Variants in TMPRSS7 observed in about 807,000 individuals in gnomAD.
TMPRSS7 encodes the protein transmembrane serine protease 7, also known as transmembrane protease serine 7.
Under a neutral mutation model 95.6 loss-of-function variants are expected in TMPRSS7, and 81 were observed. That is an observed-to-expected ratio of 0.85 (90% CI 0.71 to 1.02). The LOEUF (loss-of-function observed/expected upper bound fraction) is 1.02, where lower values mean the gene tolerates loss of function less well. Among genes scored for constraint, TMPRSS7 ranks in the 50% least tolerant of loss-of-function variants. The probability of loss-of-function intolerance (pLI) is 0.00; values close to 1 mark genes in which losing one functional copy is unlikely to be tolerated. For synonymous variants in TMPRSS7, 364 were observed against 337.8 expected (o/e 1.08, Z -0.85); for missense variants, 945 against 955.2 (o/e 0.99, Z 0.14).
exon 10 of TMPRSS7, chr3:112,057,045 C>T (rs1209282736): frequency 6.2e-7 from 1 of 1,610,448 alleles, no homozygotes; most frequent in Admixed American, 1.7e-5. Flanking sequence ...CAACTCTTGG[C>T]ATAGCACTGA....
At chr3:112,048,655 G>A (rs2073309660) in intron 7 of TMPRSS7, among the ~76,000 whole-genome samples, 2 of 152,142 alleles carry the variant, frequency 1.3e-5, no homozygotes, top group Admixed American at 1.3e-4. Flanking sequence ...CCGTGTCTAT[G>A]GATGTATGCA....
At chr3:112,067,035 T>G (rs955152886) in intron 13 of TMPRSS7, among the ~76,000 whole-genome samples, 8 of 152,152 alleles carry the variant, frequency 5.3e-5, no homozygotes, top group Non-Finnish European at 1.2e-4. Flanking sequence ...TGTGTCCAAG[T>G]GTTCTCATTG....
chr3:112,049,849 G>A (rs778779016), exon 8 of TMPRSS7: 3 of 1,511,068 alleles, frequency 2.0e-6, no homozygotes, highest in South Asian at 2.7e-5. Context: ...TTCAGAATTT[G>A]TGAACCCACA....
At chr3:112,043,720 G>C (rs765782170) in intron 3 of TMPRSS7, among the ~76,000 whole-genome samples, 10 of 152,200 alleles carry the variant, frequency 6.6e-5, no homozygotes, top group Non-Finnish European at 8.8e-5. Context: ...GATTGAAACA[G>C]AGCTCTCCCT....
At chr3:112,063,406 T>G (rs2073536849) in intron 11 of TMPRSS7, 119 bp from the exon 12 acceptor site, 1 of 722,590 alleles carries the variant, frequency 1.4e-6, no homozygotes, top group African/African-American at 1.8e-5. Context: ...CACTATGTAA[T>G]TATTACTGCT....
intron 7 of TMPRSS7, among the ~76,000 whole-genome samples, chr3:112,048,266 T>TA (rs1319866531): frequency 6.6e-6 from 1 of 152,224 alleles, no homozygotes; most frequent in Non-Finnish European, 1.5e-5. Context: ...TTTATTGGAA[T>TA]AAAAATGAAG....
chr3:112,048,962 CAAG>C (rs1298181741), intron 7 of TMPRSS7, among the ~76,000 whole-genome samples: 2 of 152,040 alleles, frequency 1.3e-5, no homozygotes, highest in Non-Finnish European at 2.9e-5. Context: ...CAAGGGGAAA[CAAG>C]AAGATCTGGG....
At chr3:112,078,676 A>G in intron 16 of TMPRSS7, 66 bp from the exon 17 acceptor site, 1 of 1,595,038 alleles carries the variant, frequency 6.3e-7, no homozygotes, top group Non-Finnish European at 8.6e-7. Context: ...TAACTTTTCA[A>G]ATGAAGTCCT....
downstream of TMPRSS7, chr3:112,081,268 TGAAA>T (rs2073776319): frequency 1.8e-5 from 4 of 223,202 alleles, no homozygotes; most frequent in South Asian, 2.0e-4. Context: ...CTGTCTCTAC[TGAAA>T]AAAAAAAAAA....
In TMPRSS7 at chr3:112,040,495, G is replaced by A. The variant is rs76785635; in HGVS notation, c.299-1425G>A. Among the ~76,000 whole-genome samples, 393 of 152,206 alleles carry A rather than the reference G, an allele frequency of 2.6e-3. 7 individuals are homozygous for A. The South Asian group carries it at 0.04, about 15-fold the overall frequency. ...TGTGTTGGGTCCTGGGGTAGGCATGGGAGCAGAGTGGTGAGCAAGATAAGA... is the reference window on the plus strand; with the variant it reads ...TGTGTTGGGTCCTGGGGTAGGCATGAGAGCAGAGTGGTGAGCAAGATAAGA... On this transcript the variant is annotated intron_variant, in intron 2 of 17. Coordinates refer to ENST00000452346, the Ensembl canonical transcript of TMPRSS7.
In TMPRSS7 at chr3:112,044,235, C is replaced by A; in HGVS notation, c.430-20C>A. 5 of 1,498,810 alleles carry A rather than the reference C, an allele frequency of 3.3e-6. No homozygotes were observed. Among genetic ancestry groups the A allele is most frequent in the Non-Finnish European group, 4.5e-6 (5 of 1,099,264 alleles). 92.8% of individuals were successfully genotyped at this position (1,498,810 alleles called of 1,614,324 possible). A position where few individuals can be genotyped will look rare whatever the true frequency, so the allele number is the denominator to read the frequency against. ...AGTCAAGTATGAAATACTTCAGATA[C>A]CTCAACTATTCTTTTTCAGATAAAC... On this transcript the variant is annotated intron_variant, in intron 3 of 17. Coordinates refer to ENST00000452346, the Ensembl canonical transcript of TMPRSS7.
At chr3:112,071,994 G>A (rs972871206) in intron 13 of TMPRSS7, among the ~76,000 whole-genome samples, 1 of 152,220 alleles carries the variant, frequency 6.6e-6, no homozygotes, top group Admixed American at 6.5e-5. Context: ...CGTTGCTGGT[G>A]AGGAGCTGCA....
intron 11 of TMPRSS7, among the ~76,000 whole-genome samples, chr3:112,063,134 T>G (rs1173537196): frequency 6.6e-6 from 1 of 152,216 alleles, no homozygotes; most frequent in East Asian, 1.9e-4. Flanking sequence ...CAGAAGTCAA[T>G]TTAAGATTCT....
At chr3:112,046,529 TTA>T (rs1487239791) in intron 5 of TMPRSS7, among the ~76,000 whole-genome samples, 1 of 152,134 alleles carries the variant, frequency 6.6e-6, no homozygotes, top group Non-Finnish European at 1.5e-5. Context: ...TATAAGTATA[TTA>T]TACACACACA....
intron 1 of TMPRSS7, among the ~76,000 whole-genome samples, chr3:112,035,353 C>T (rs973028277): frequency 6.6e-6 from 1 of 152,156 alleles, no homozygotes; most frequent in Non-Finnish European, 1.5e-5. Flanking sequence ...TCCTGCAGGA[C>T]ACCACATTAA....
At chr3:112,036,675 A>G (rs1348757253) in intron 1 of TMPRSS7, among the ~76,000 whole-genome samples, 1 of 152,060 alleles carries the variant, frequency 6.6e-6, no homozygotes, top group Non-Finnish European at 1.5e-5. Context: ...ACTTTACCCC[A>G]TGAAATTCAG....
At chr3:112,066,744 T>G (rs2073581138) in intron 13 of TMPRSS7, among the ~76,000 whole-genome samples, 1 of 152,176 alleles carries the variant, frequency 6.6e-6, no homozygotes, top group Non-Finnish European at 1.5e-5. Context: ...AGTGTGTGTG[T>G]GTGTTCATGT....
chr3:112,048,014 CCT>C (rs1559954419), intron 7 of TMPRSS7, 47 bp downstream of exon 7: 1 of 1,557,160 alleles, frequency 6.4e-7, no homozygotes, highest in Admixed American at 1.7e-5. Flanking sequence ...TTTTTCACAA[CCT>C]CTGTTTTACA....
intron 14 of TMPRSS7, among the ~76,000 whole-genome samples, 160 bp downstream of exon 14, chr3:112,074,572 A>G (rs72942186): frequency 7.3e-4 from 111 of 152,382 alleles, no homozygotes; most frequent in African/African-American, 2.5e-3. Flanking sequence ...ATTGTTTCTC[A>G]GAAATAAAAA....
Sources: allele counts gnomAD v4.1 joint callset (sites outside exome capture counted in the v4.1 genomes callset), GRCh38; gene constraint gnomAD v4.1.1; transcripts MANE v1.5; gene names NCBI Gene and HGNC (gene_info 2026-07-23, HGNC 2026-07-21).